The following MKNK1 variants were observed in gnomAD, a reference collection of about 807,000 sequenced individuals.
MKNK1 encodes the protein MAPK interacting serine/threonine kinase 1, also known as MAP kinase-interacting serine/threonine-protein kinase 1.
In MKNK1, 30 loss-of-function variants were observed where a neutral mutation model predicts 49.3. That is an observed-to-expected ratio of 0.61 (90% CI 0.46 to 0.83). The LOEUF (loss-of-function observed/expected upper bound fraction) is 0.83, where lower values mean the gene tolerates loss of function less well. MKNK1 is among the 40% of genes least tolerant of loss of function. MKNK1 has a pLI of 0.00. For synonymous variants in MKNK1, 176 were observed against 201.7 expected (o/e 0.87, Z 1.08); for missense variants, 423 against 524.7 (o/e 0.81, Z 1.89).
chr1:46,591,310 G>A lies in MKNK1; in HGVS notation c.-3+2803C>T, dbSNP rs531467498. ...CATGCAGGTGGCAGCATTTCACTCC[G>A]CTGCAATGAAACTGGCAGGTGAGGC... is the stretch of plus-strand genomic sequence containing the variant. On this transcript the variant is annotated intron_variant, in intron 2 of 12. Transcript: ENST00000371945. 1.6e-4 allele frequency among the ~76,000 whole-genome samples: 24 copies of A among 152,266 alleles called. 1 individual carries two copies. The highest frequency in any genetic ancestry group is 4.6e-4 in the Admixed American group (7 of 15,290).
At chr1:46,560,118 G>A in intron 12 of MKNK1, 116 bp downstream of exon 12, 2 of 1,146,382 alleles carry the variant, frequency 1.7e-6, no homozygotes, top group South Asian at 2.6e-5. Context: ...GAAATGGGCA[G>A]GGAGCCCCTT....
At chr1:46,567,203 G>A (rs1202415642) in intron 8 of MKNK1, among the ~76,000 whole-genome samples, 3 of 152,248 alleles carry the variant, frequency 2.0e-5, no homozygotes, top group African/African-American at 4.8e-5. Flanking sequence ...TCAGCCTCCC[G>A]AAGTGTTGGG....
intron 5 of MKNK1, 183 bp downstream of exon 5, chr1:46,576,392 C>T (rs1557858109): frequency 3.4e-6 from 2 of 581,648 alleles, no homozygotes; most frequent in Admixed American, 3.0e-5. Context: ...GATAATAGCT[C>T]CTTTGCTGTT....
At chr1:46,581,836 C>T (rs1281173730) in intron 3 of MKNK1, among the ~76,000 whole-genome samples, 1 of 152,110 alleles carries the variant, frequency 6.6e-6, no homozygotes, top group Non-Finnish European at 1.5e-5. Context: ...GTTAAAGGAA[C>T]ATCTAGATGA....
rs773196707 is a variant in MKNK1, at chr1:46,558,728, G to C, written c.1086C>G (p.His362Gln). Residue 362 changes from histidine to glutamine, a missense_variant, in exon 13 of 13, where the codon CAC (histidine) becomes CAG (glutamine). Transcript: ENST00000371945. ...AIALNRQLSQ[H>Q]EENELAEEPE... is the part of the protein sequence containing the mutation. ...GCTCCTCTGCTAGTTCGTTCTCTTCGTGCTGAGATAGCTGGCGGTTAAGGG... is the reference window on the plus strand; with the variant it reads ...GCTCCTCTGCTAGTTCGTTCTCTTCCTGCTGAGATAGCTGGCGGTTAAGGG... 7 of 1,614,122 alleles carry C rather than the reference G, an allele frequency of 4.3e-6. No individual in the cohort carries two copies. Among genetic ancestry groups the C allele is most frequent in the Admixed American group, 3.3e-5 (2 of 60,018 alleles).
At chr1:46,586,991 G>C (rs1302962849) in intron 2 of MKNK1, among the ~76,000 whole-genome samples, 2 of 152,110 alleles carry the variant, frequency 1.3e-5, no homozygotes, top group Non-Finnish European at 2.9e-5. Context: ...GTACTTTTTA[G>C]TAGAGACGGG....
chr1:46,595,709 G>C (rs1209449619), intron 1 of MKNK1, among the ~76,000 whole-genome samples: 1 of 152,098 alleles, frequency 6.6e-6, no homozygotes, highest in Non-Finnish European at 1.5e-5. Flanking sequence ...GAAACTCAGG[G>C]TATGCTCTCT....
chr1:46,561,486 C>G lies in MKNK1; in HGVS notation c.961G>C (p.Val321Leu). 6.2e-7 allele frequency: 1 copy of G among 1,612,686 alleles called. No individual in the cohort carries two copies. The highest frequency in any genetic ancestry group is 1.1e-5 in the South Asian group (1 of 90,962). Residue 321 changes from valine to leucine, a missense_variant, in exon 11 of 13, where the codon GTG becomes CTG. Transcript: ENST00000371945. ...SAAQVLQHPW[V>L]QGQAPEKGLP... is the part of the protein sequence containing the mutation. ...TCCCTGGAGTCACTCACCCCCTGCA[C>G]CCATGGGTGCTGCAGAACTTGGGCG...
chr1:46,565,343 C>A (rs1668877373), intron 8 of MKNK1: 2 of 575,212 alleles, frequency 3.5e-6, no homozygotes, highest in Non-Finnish European at 6.2e-6. Context: ...TATTTCCCAT[C>A]TAAGGGAAAA....
chr1:46,560,233 C>T lies in MKNK1; in HGVS notation c.1013+1G>A. The T allele has an allele frequency of 3.1e-6, 5 of 1,614,106 alleles. No individual in the cohort carries two copies. The highest frequency in any genetic ancestry group is 1.1e-5 in the South Asian group (1 of 91,082). On this transcript the variant is annotated splice_donor_variant, in intron 12 of 12. Coordinates refer to ENST00000371945, the MANE Select transcript of MKNK1 (RefSeq NM_001135553.4). LOFTEE classifies it high-confidence loss of function. ...GGCGTGGGGGTGGTCAGAGCATTTA[C>T]CTCTGGAGGACTTGCGGCGTGGGGA...
intron 6 of MKNK1, chr1:46,574,522 CA>C (rs1029776560): frequency 6.4e-6 from 1 of 157,428 alleles, no homozygotes; most frequent in African/African-American, 2.4e-5. Context: ...TGAAGGATGG[CA>C]CATTCTCAGG....
At chr1:46,602,998 C>A (rs775690479) in intron 1 of MKNK1, among the ~76,000 whole-genome samples, 23 of 152,210 alleles carry the variant, frequency 1.5e-4, no homozygotes, top group Non-Finnish European at 2.8e-4. Context: ...TCCCCCACAA[C>A]TGTCAACATC....
Position 46,558,128 on chromosome 1 carries a change from A to C in MKNK1, c.*447T>G. 1.2e-5 allele frequency: 2 copies of C among 160,600 alleles called. No individual in the cohort carries two copies. Among genetic ancestry groups the C allele is most frequent in the Non-Finnish European group, 1.4e-5 (1 of 73,016 alleles). The allele number at this position is 160,600 out of a possible 1,614,324, so 9.9% of individuals were successfully genotyped here. A position where few individuals can be genotyped will look rare whatever the true frequency, so the allele number is the denominator to read the frequency against. ...AAGAGGACATCCGGAGGACAGAGGAAGGTGGAAGGACCGCCAGAGGAGGGT... is the reference window on the plus strand; with the variant it reads ...AAGAGGACATCCGGAGGACAGAGGACGGTGGAAGGACCGCCAGAGGAGGGT... On this transcript the variant is annotated 3_prime_UTR_variant, in exon 13 of 13. Coordinates refer to ENST00000371945, the MANE Select transcript of MKNK1 (RefSeq NM_001135553.4).
At chr1:46,567,633 A>C (rs1669294551) in intron 8 of MKNK1, among the ~76,000 whole-genome samples, 1 of 152,196 alleles carries the variant, frequency 6.6e-6, no homozygotes, top group Non-Finnish European at 1.5e-5. Flanking sequence ...CATTCATTCA[A>C]GGCCACCCCT....
At position 46,583,261 on chromosome 1, in the gene MKNK1, G is replaced by C. The variant is rs200061185; in HGVS notation, c.67C>G (p.Arg23Gly). The C allele has an allele frequency of 4.6e-5, 75 of 1,613,914 alleles. No individual in the cohort carries two copies. Among genetic ancestry groups the C allele is most frequent in the Non-Finnish European group, 6.3e-5 (74 of 1,180,012 alleles). Residue 23 changes from arginine to glycine, a missense_variant, in exon 3 of 13, where the codon CGG becomes GGG. By Grantham distance (125) the Arg-to-Gly change is moderately radical. Transcript: ENST00000371945. ...DRRRKKKRRG[R>G]ATDSLPGKFE... ...TTTCCTGGCAAGGAGTCAGTGGCCC[G>C]GCCCCTCCGCTTCTTCTTCCTCCTC...
chr1:46,603,986 C>G (rs994910589), intron 1 of MKNK1, among the ~76,000 whole-genome samples, 199 bp downstream of exon 1: 8 of 152,078 alleles, frequency 5.3e-5, no homozygotes, highest in African/African-American at 1.9e-4. Context: ...GGCCACGCCC[C>G]GACCCCAGGC....
chr1:46,561,164 A>G (rs1667892751), intron 11 of MKNK1, among the ~76,000 whole-genome samples: 1 of 152,170 alleles, frequency 6.6e-6, no homozygotes, highest in African/African-American at 2.4e-5. Flanking sequence ...ATGCTTCTAT[A>G]TAAGAGGAGG....
intron 10 of MKNK1, among the ~76,000 whole-genome samples, chr1:46,562,395 CAAAAAAAAA>C (rs66491559): frequency 5.8e-5 from 2 of 34,326 alleles, no homozygotes; most frequent in East Asian, 1.8e-3. Flanking sequence ...GACTCCATCT[CAAAAAAAAA>C]AAAAAAAAAA....
In MKNK1 at chr1:46,561,585, C is replaced by A. The variant is rs1667985927; in HGVS notation, c.862G>T (p.Ala288Ser). 6.2e-7 allele frequency: 1 copy of A among 1,614,064 alleles called. No homozygotes were observed. The highest frequency in any genetic ancestry group is 8.5e-7 in the Non-Finnish European group (1 of 1,180,026). ...TCTTTGGCTTCACTGGAGATGTGTG[C>A]CCAGTCCTTGTCAGGAAACTCATAC... Reference protein sequence around the residue: ...GKYEFPDKDWAHISSEAKDLI... With the variant: ...GKYEFPDKDWSHISSEAKDLI... Residue 288 changes from alanine (A) to serine (S), a missense_variant, in exon 11 of 13, where the codon GCA becomes TCA. Ala to Ser is a moderately conservative substitution (Grantham distance 99, BLOSUM62 1). Transcript: ENST00000371945.
Sources: allele counts gnomAD v4.1 joint callset (sites outside exome capture counted in the v4.1 genomes callset), GRCh38; gene constraint gnomAD v4.1.1; transcripts MANE v1.5; gene names NCBI Gene and HGNC (gene_info 2026-07-23, HGNC 2026-07-21).